Variants in RAB31 observed in about 807,000 individuals in gnomAD.
The protein encoded by RAB31 is RAB31, member RAS oncogene family, also known as ras-related protein Rab-31.
In RAB31, 21 loss-of-function variants were observed where a neutral mutation model predicts 25.6. That is an observed-to-expected ratio of 0.82 (90% CI 0.58 to 1.18). The LOEUF (loss-of-function observed/expected upper bound fraction) is 1.18, where lower values mean the gene tolerates loss of function less well. Among genes scored for constraint, RAB31 ranks in the 50% most tolerant of loss-of-function variants. The pLI is 0.00. For missense variants in RAB31, 196 were observed against 250.1 expected, an observed-to-expected ratio of 0.78 and a Z score of 1.46; for synonymous variants, 87 against 84.0, an observed-to-expected ratio of 1.04 and a Z score of -0.20.
chr18:9,777,754 CTTTTT>C (rs36009427), intron 2 of RAB31, among the ~76,000 whole-genome samples: 1 of 113,964 alleles, frequency 8.8e-6, no homozygotes, highest in Non-Finnish European at 1.7e-5. Context: ...TTGTAATGAC[CTTTTT>C]TTTTTTTTTT....
At chr18:9,735,560 G>A (rs1286617135) in intron 1 of RAB31, 12 of 192,060 alleles carry the variant, frequency 6.2e-5, no homozygotes, top group Non-Finnish European at 1.1e-4. Flanking sequence ...GCCGTGGCTC[G>A]TGTGGCCCTG....
At chr18:9,720,186 A>G (rs1391917577) in intron 1 of RAB31, among the ~76,000 whole-genome samples, 3 of 151,854 alleles carry the variant, frequency 2.0e-5, no homozygotes, top group Non-Finnish European at 2.9e-5. Context: ...CTGGTCTCGA[A>G]CTCCTGACTT....
At chr18:9,798,266 G>A (rs1315639918) in intron 3 of RAB31, among the ~76,000 whole-genome samples, 4 of 152,168 alleles carry the variant, frequency 2.6e-5, no homozygotes, top group South Asian at 2.1e-4. Flanking sequence ...AGCCCTCGAC[G>A]GCCTGATTTC....
chr18:9,847,453 C>G (rs1219998838), intron 6 of RAB31, among the ~76,000 whole-genome samples: 3 of 152,208 alleles, frequency 2.0e-5, no homozygotes, highest in Non-Finnish European at 1.5e-5. Flanking sequence ...TGAACTTGAG[C>G]TTGAGATCTC....
At chr18:9,848,390 ATCTG>A (rs2068772242) in intron 6 of RAB31, among the ~76,000 whole-genome samples, 3 of 151,812 alleles carry the variant, frequency 2.0e-5, no homozygotes, top group Non-Finnish European at 2.9e-5. Context: ...CTGTCTAGTC[ATCTG>A]TCTATCTAGC....
intron 1 of RAB31, among the ~76,000 whole-genome samples, chr18:9,769,671 A>G (rs2068334163): frequency 6.6e-6 from 1 of 152,084 alleles, no homozygotes; most frequent in African/African-American, 2.4e-5. Flanking sequence ...CTATTTGAAT[A>G]CCCTTTTTTT....
At chr18:9,774,364 G>C (rs1441718266) in intron 1 of RAB31, among the ~76,000 whole-genome samples, 1 of 152,164 alleles carries the variant, frequency 6.6e-6, no homozygotes, top group South Asian at 2.1e-4. Flanking sequence ...TGGTTATGTG[G>C]CCTGGGGCTC....
chr18:9,733,241 G>A (rs1157413355), intron 1 of RAB31, among the ~76,000 whole-genome samples: 1 of 152,156 alleles, frequency 6.6e-6, no homozygotes, highest in Non-Finnish European at 1.5e-5. Flanking sequence ...AGCTTAACAT[G>A]CAATATATTG....
intron 1 of RAB31, among the ~76,000 whole-genome samples, chr18:9,711,641 GGTCTGT>G (rs2068017825): frequency 6.6e-6 from 1 of 152,216 alleles, no homozygotes; most frequent in Admixed American, 6.5e-5. Flanking sequence ...TGCGTAGGGA[GGTCTGT>G]CTTTTCTGGG....
At chr18:9,742,523 C>G (rs780449400) in intron 1 of RAB31, among the ~76,000 whole-genome samples, 1 of 152,176 alleles carries the variant, frequency 6.6e-6, no homozygotes, top group Non-Finnish European at 1.5e-5. Flanking sequence ...TACGTGTTTT[C>G]TTCTTCATGG....
chr18:9,824,803 C>T (rs1363685056), intron 5 of RAB31, among the ~76,000 whole-genome samples: 1 of 152,162 alleles, frequency 6.6e-6, no homozygotes, highest in African/African-American at 2.4e-5. Flanking sequence ...AGAGATTTTC[C>T]TATCTTGAAC....
chr18:9,786,812 G>A (rs1349979591), intron 2 of RAB31: 1 of 152,276 alleles, frequency 6.6e-6, no homozygotes, highest in Non-Finnish European at 1.5e-5. Context: ...ATCTGCCAAA[G>A]AGAAAAGTAA....
chr18:9,763,386 A>G (rs2068298552), intron 1 of RAB31, among the ~76,000 whole-genome samples: 1 of 152,210 alleles, frequency 6.6e-6, no homozygotes, highest in South Asian at 2.1e-4. Flanking sequence ...AATGTTTAAT[A>G]TGTTCAAGGA....
intron 3 of RAB31, among the ~76,000 whole-genome samples, chr18:9,802,850 C>T (rs1010795602): frequency 2.6e-5 from 4 of 152,238 alleles, no homozygotes; most frequent in African/African-American, 7.2e-5. Flanking sequence ...TTACAGACAT[C>T]CAAAGAAACT....
In RAB31 at chr18:9,766,100, T is replaced by C. The variant is rs2068314609; in HGVS notation, c.40-9178T>C. 6.6e-6 allele frequency among the ~76,000 whole-genome samples: 1 copy of C among 152,168 alleles called. No individual in the cohort carries two copies. Among genetic ancestry groups the C allele is most frequent in the African/African-American group, 2.4e-5 (1 of 41,440 alleles). On this transcript the variant is annotated intron_variant, in intron 1 of 6. Coordinates refer to ENST00000578921, the MANE Select transcript of RAB31 (RefSeq NM_006868.4). This position sits in a 1 kb window ranked among gnomAD's most constrained non-coding sequence, Gnocchi z 4.3. ...AAGGGAAGGTGCAGTGCTTCCTGGA[T>C]TGAGCTTCCTGAGCCCGTTTGTCTT...
At chr18:9,784,308 G>A (rs1436344551) in intron 2 of RAB31, among the ~76,000 whole-genome samples, 3 of 151,938 alleles carry the variant, frequency 2.0e-5, no homozygotes, top group African/African-American at 7.3e-5. Flanking sequence ...CCAAAGTGCT[G>A]GGATTACAGG....
At chr18:9,839,053 A>G (rs924393430) in intron 5 of RAB31, among the ~76,000 whole-genome samples, 1 of 152,228 alleles carries the variant, frequency 6.6e-6, no homozygotes, top group Non-Finnish European at 1.5e-5. Flanking sequence ...ATCCCTGGAC[A>G]TGAAAACAAA....
At chr18:9,757,864 G>A (rs532613303) in intron 1 of RAB31, 3 of 152,230 alleles carry the variant, frequency 2.0e-5, no homozygotes, top group Non-Finnish European at 2.9e-5. Flanking sequence ...CCATCATGTC[G>A]GCTTCTGATT....
intron 2 of RAB31, among the ~76,000 whole-genome samples, chr18:9,777,249 G>C (rs1475565869): frequency 6.6e-6 from 1 of 152,200 alleles, no homozygotes; most frequent in Non-Finnish European, 1.5e-5. Flanking sequence ...GCTGAGGCAA[G>C]AGAAGGTGGT....
Sources: allele counts gnomAD v4.1 joint callset (sites outside exome capture counted in the v4.1 genomes callset), GRCh38; gene constraint gnomAD v4.1.1; non-coding constraint Gnocchi (gnomAD v3.1); transcripts MANE v1.5; gene names NCBI Gene and HGNC (gene_info 2026-07-23, HGNC 2026-07-21).